The following EYA3 variants were observed in gnomAD, a reference collection of about 807,000 sequenced individuals.
EYA3 encodes the protein EYA transcriptional coactivator and phosphatase 3, also known as protein phosphatase EYA3.
Under a neutral mutation model 80.0 loss-of-function variants are expected in EYA3, and 39 were observed. The observed-to-expected ratio is 0.49, with a 90% CI of 0.38 to 0.64. EYA3 has a LOEUF of 0.64. Among genes scored for constraint, EYA3 ranks in the 30% least tolerant of loss-of-function variants. The probability of loss-of-function intolerance (pLI) is 0.00; values close to 1 mark genes in which losing one functional copy is unlikely to be tolerated. For synonymous variants in EYA3, 206 were observed against 232.8 expected, an observed-to-expected ratio of 0.88 and a Z score of 1.05; for missense variants, 523 against 676.1, an observed-to-expected ratio of 0.77 and a Z score of 2.51.
At chr1:28,025,604 G>A (rs72658306) in intron 7 of EYA3, among the ~76,000 whole-genome samples, 34,427 of 152,054 alleles carry the variant, frequency 0.23, 4,094 homozygotes, top group Non-Finnish European at 0.27. Context: ...CAAGAGCACA[G>A]TAAGCACTTC....
chr1:28,073,127 A>ATATATATATATATATATATATATAT (rs1553157671), intron 1 of EYA3, among the ~76,000 whole-genome samples: 2 of 14,998 alleles, frequency 1.3e-4, no homozygotes, highest in Non-Finnish European at 1.1e-4. Flanking sequence ...ATATATATAT[A>ATATATATATATATATATATATATAT]TTTTTTTTTT....
chr1:28,011,063 A>C lies in EYA3; in HGVS notation c.793T>G (p.Leu265Val), dbSNP rs1238828675. ...SSGDPSTSPS[L>V]SQTTPSKDTD... The stretch of plus-strand genomic sequence containing the variant: ...TCTTTACTTGGTGTAGTCTGGGACA[A>C]AGATGGACTTGTAGAAGGGTCTCCT... Residue 265 changes from leucine to valine, a missense_variant, in exon 10 of 18, where the codon TTG (leucine) becomes GTG (valine). Coordinates refer to ENST00000373871, the MANE Select transcript of EYA3 (RefSeq NM_001990.4). The C allele has an allele frequency of 3.7e-6, 6 of 1,613,338 alleles. No homozygotes were observed. Among genetic ancestry groups the C allele is most frequent in the Non-Finnish European group, 5.1e-6 (6 of 1,179,834 alleles).
chr1:28,065,834 C>T (rs1644817811), intron 1 of EYA3, among the ~76,000 whole-genome samples: 1 of 151,496 alleles, frequency 6.6e-6, no homozygotes, highest in South Asian at 2.1e-4. Flanking sequence ...GAAACCCCAT[C>T]TCTACTAAAA....
At chr1:28,048,938 T>A (rs1042557264) in intron 2 of EYA3, among the ~76,000 whole-genome samples, 1 of 152,220 alleles carries the variant, frequency 6.6e-6, no homozygotes, top group Non-Finnish European at 1.5e-5. Flanking sequence ...TTCTATTTCC[T>A]TCTGGGGAGA....
chr1:28,063,251 A>G (rs903026253), intron 1 of EYA3, among the ~76,000 whole-genome samples: 1 of 149,970 alleles, frequency 6.7e-6, no homozygotes, highest in Non-Finnish European at 1.5e-5. Context: ...CACTGACTAC[A>G]TTGTATTTTA....
intron 6 of EYA3, among the ~76,000 whole-genome samples, chr1:28,029,312 G>A (rs1642975947): frequency 1.3e-5 from 2 of 152,116 alleles, no homozygotes; most frequent in Non-Finnish European, 2.9e-5. Flanking sequence ...ATACCGCAGA[G>A]GCTACTGTGA....
At chr1:28,004,444 G>T in intron 10 of EYA3, 25 bp from the exon 11 acceptor site, 4 of 1,548,878 alleles carry the variant, frequency 2.6e-6, no homozygotes, top group South Asian at 1.1e-5. Flanking sequence ...TATAAAAAAT[G>T]AGTATATTTT....
chr1:28,020,874 G>C (rs182808721), intron 7 of EYA3, among the ~76,000 whole-genome samples: 1 of 152,214 alleles, frequency 6.6e-6, no homozygotes, highest in Non-Finnish European at 1.5e-5. Context: ...TAATGGCATG[G>C]TCAACTGTTT....
At chr1:28,028,101 CTT>C (rs1422754461) in intron 6 of EYA3, among the ~76,000 whole-genome samples, 175 bp from the exon 7 acceptor site, 1 of 152,144 alleles carries the variant, frequency 6.6e-6, no homozygotes, top group African/African-American at 2.4e-5. Context: ...GCAAATAACA[CTT>C]TCAAAGAATT....
intron 16 of EYA3, among the ~76,000 whole-genome samples, chr1:27,981,035 C>T (rs1297053769): frequency 1.3e-5 from 2 of 152,044 alleles, no homozygotes; most frequent in Non-Finnish European, 2.9e-5. Context: ...AGAGTGAGAC[C>T]CTGTCTCAAG....
rs971135372 is a variant in EYA3, at chr1:28,008,626, C to T, written c.909+2321G>A. Reference sequence around the variant, plus strand: ...ATATAGAATATACAAAGAACTCCTACAACTCAACAATGAAAAACCAAACAA... The same window carrying T: ...ATATAGAATATACAAAGAACTCCTATAACTCAACAATGAAAAACCAAACAA... On this transcript the variant is annotated intron_variant, in intron 10 of 17. Coordinates refer to ENST00000373871, the MANE Select transcript of EYA3 (RefSeq NM_001990.4). 5.9e-5 allele frequency among the ~76,000 whole-genome samples: 9 copies of T among 152,176 alleles called. No homozygotes were observed. The South Asian group carries it at 1.9e-3, about 32-fold the overall frequency.
chr1:27,985,862 G>A (rs559085153), intron 16 of EYA3, among the ~76,000 whole-genome samples: 20 of 152,234 alleles, frequency 1.3e-4, no homozygotes, highest in Admixed American at 9.8e-4. Flanking sequence ...GATTACAGGT[G>A]TGAGCCACTA....
chr1:27,992,866 A>G (rs1640169826), intron 14 of EYA3, among the ~76,000 whole-genome samples: 1 of 152,232 alleles, frequency 6.6e-6, no homozygotes, highest in Non-Finnish European at 1.5e-5. Flanking sequence ...ATCTATGATT[A>G]ATTAATTCTA....
chr1:28,042,441 A>G lies in EYA3; in HGVS notation c.157+130T>C, dbSNP rs1207228365. The G allele has an allele frequency of 2.7e-6, 2 of 728,720 alleles. 1 individual carries two copies. Among genetic ancestry groups the G allele is most frequent in the South Asian group, 3.6e-5 (2 of 55,706 alleles). The allele number at this position is 728,720 out of a possible 1,614,324, so 45.1% of individuals were successfully genotyped here. A position where few individuals can be genotyped will look rare whatever the true frequency, so the allele number is the denominator to read the frequency against. On this transcript the variant is annotated intron_variant, in intron 4 of 17. Coordinates refer to ENST00000373871, the MANE Select transcript of EYA3 (RefSeq NM_001990.4). ...GAGGGCTCAAGGATAAACACACACA[A>G]AAACAAGGATGGGAGAGCCTTCAGG... is the stretch of plus-strand genomic sequence containing the variant.
rs574609713 is a variant in EYA3 at position 28,002,352 on chromosome 1, A to G, written c.993+1984T>C. On this transcript the variant is annotated intron_variant, in intron 11 of 17. Transcript: ENST00000373871. ...GCGTGAGCCACCATGCCTGGCCAAT[A>G]TATAAAATTTTTATACACATTTTGG... Among the ~76,000 whole-genome samples, 39 of 152,026 alleles carry G rather than the reference A, an allele frequency of 2.6e-4. 1 individual carries two copies. The South Asian group carries it at 8.1e-3, about 32-fold the overall frequency.
chr1:27,989,203 G>A lies in EYA3; in HGVS notation c.1418+494C>T, dbSNP rs143881919. On this transcript the variant is annotated intron_variant, in intron 15 of 17. Transcript: ENST00000373871. ...GTGGATCTGGAATTACTGCTTTGCGGGAGGGAGTAATAGGGTATTGGTGCA... is the reference window on the plus strand; with the variant it reads ...GTGGATCTGGAATTACTGCTTTGCGAGAGGGAGTAATAGGGTATTGGTGCA... Among the ~76,000 whole-genome samples, 1,043 of 152,272 alleles carry A rather than the reference G, an allele frequency of 6.8e-3. 6 individuals are homozygous for A. The highest frequency in any genetic ancestry group is 0.01 in the Non-Finnish European group (712 of 68,018).
At chr1:27,982,819 C>T (rs186905944) in intron 16 of EYA3, among the ~76,000 whole-genome samples, 85 of 152,224 alleles carry the variant, frequency 5.6e-4, no homozygotes, top group African/African-American at 2.0e-3. Flanking sequence ...CCCACCCTGG[C>T]CTCCCAAAGT....
intron 1 of EYA3, among the ~76,000 whole-genome samples, chr1:28,073,127 A>ATATATATATATATATT (rs1553157671): frequency 4.7e-4 from 7 of 14,996 alleles, no homozygotes; most frequent in Admixed American, 7.2e-4. Flanking sequence ...ATATATATAT[A>ATATATATATATATATT]TTTTTTTTTT....
chr1:28,048,353 T>C (rs368443951), intron 3 of EYA3, 30 bp downstream of exon 3: 122 of 1,557,254 alleles, frequency 7.8e-5, no homozygotes, highest in Middle Eastern at 5.6e-4. Flanking sequence ...TTATGAGTAG[T>C]TCATTAAAAA....
Sources: allele counts gnomAD v4.1 joint callset (sites outside exome capture counted in the v4.1 genomes callset), GRCh38; gene constraint gnomAD v4.1.1; transcripts MANE v1.5; gene names NCBI Gene and HGNC (gene_info 2026-07-23, HGNC 2026-07-21).